Variants in EXOC6B observed in about 807,000 individuals in gnomAD.
EXOC6B encodes SEC15 homolog B.
EXOC6B carries 54 observed loss-of-function variants against 113.5 expected under a neutral mutation model. That is an observed-to-expected ratio of 0.48 (90% CI 0.38 to 0.60). The LOEUF (loss-of-function observed/expected upper bound fraction) is 0.60. Among genes scored for constraint, EXOC6B ranks in the 20% least tolerant of loss-of-function variants. The pLI is 0.00. For missense variants in EXOC6B, 797 were observed against 977.5 expected (o/e 0.82, Z 2.46); for synonymous variants, 357 against 339.0 (o/e 1.05, Z -0.58).
At chr2:72,460,218 AAG>A (rs1485807103) in intron 18 of EXOC6B, among the ~76,000 whole-genome samples, 1 of 152,160 alleles carries the variant, frequency 6.6e-6, no homozygotes, top group African/African-American at 2.4e-5. Flanking sequence ...AGATGGATTA[AAG>A]ACTTAAACGT....
At position 72,496,336 on chromosome 2, in the gene EXOC6B, T is replaced by G. The variant is rs760023224; in HGVS notation, c.1443+118A>C. The stretch of plus-strand genomic sequence containing the variant: ...AAAAGAAAAAAGAATCCTTTGAAAT[T>G]GTTTTAGAGTTCTAACCCATTGAGT... On this transcript the variant is annotated intron_variant, in intron 14 of 21. Transcript: ENST00000272427. 6.8e-6 allele frequency: 4 copies of G among 585,048 alleles called. No individual in the cohort carries two copies. The African/African-American group carries it at 7.6e-5, about 11-fold the overall frequency. The allele number at this position is 585,048 out of a possible 1,614,324, so 36.2% of individuals were successfully genotyped here.
chr2:72,674,037 G>A (rs1322089284), intron 6 of EXOC6B, among the ~76,000 whole-genome samples: 2 of 152,078 alleles, frequency 1.3e-5, no homozygotes, highest in African/African-American at 4.8e-5. Context: ...TTTGGGGGGG[G>A]TTTCATATTT....
Position 72,599,842 on chromosome 2 carries a change from GTACAAAACC to G in EXOC6B, c.670-24183_670-24175del, listed in dbSNP as rs370073270. 3.7e-3 allele frequency among the ~76,000 whole-genome samples: 564 copies of G among 151,524 alleles called. 9 individuals are homozygous for G. The highest frequency in any genetic ancestry group is 0.013 in the African/African-American group (551 of 41,320). On this transcript the variant is annotated intron_variant, in intron 6 of 21. Transcript: ENST00000272427. ...AATTACGTATAAATCTAAAAAATTTGTACAAAACCTATACGAGGAAAACTACAAAACTGT... is the reference window on the plus strand; with the variant it reads ...AATTACGTATAAATCTAAAAAATTTGTATACGAGGAAAACTACAAAACTGT...
chr2:72,289,090 G>A, intron 20 of EXOC6B: 1 of 288,336 alleles, frequency 3.5e-6, no homozygotes, highest in Non-Finnish European at 6.6e-6. Context: ...CACACAGGAG[G>A]GGAAATCCTG....
At chr2:72,445,241 C>T (rs1182788751) in intron 18 of EXOC6B, among the ~76,000 whole-genome samples, 9 of 152,220 alleles carry the variant, frequency 5.9e-5, no homozygotes, top group Non-Finnish European at 1.2e-4. Flanking sequence ...AGTTCCTCAT[C>T]TCCATTTGAG....
At chr2:72,657,567 CTTT>C (rs70963136) in intron 6 of EXOC6B, among the ~76,000 whole-genome samples, 2 of 50,356 alleles carry the variant, frequency 4.0e-5, no homozygotes, top group Non-Finnish European at 6.4e-5. Flanking sequence ...CTTTCCTTTT[CTTT>C]TTTTTTTTTT....
At chr2:72,636,369 G>GAAGGAAGGAAGGAAGGAAGGAAGGAAGC (rs771182488) in intron 6 of EXOC6B, among the ~76,000 whole-genome samples, 10 of 96,548 alleles carry the variant, frequency 1.0e-4, no homozygotes, top group African/African-American at 6.1e-4. Flanking sequence ...AGGAAGGAAG[G>GAAGGAAGGAAGGAAGGAAGGAAGGAAGC]AAGCAAGGAA....
intron 20 of EXOC6B, among the ~76,000 whole-genome samples, chr2:72,287,545 A>G (rs1200463254): frequency 3.3e-5 from 5 of 151,854 alleles, no homozygotes; most frequent in Non-Finnish European, 7.4e-5. Flanking sequence ...AAAATGATAA[A>G]CCTCCGTCAA....
chr2:72,404,408 C>T (rs1693577270), intron 18 of EXOC6B, among the ~76,000 whole-genome samples: 1 of 152,210 alleles, frequency 6.6e-6, no homozygotes, highest in African/African-American at 2.4e-5. Context: ...GACAGACTGC[C>T]TCTTCAGGTG....
intron 18 of EXOC6B, among the ~76,000 whole-genome samples, chr2:72,418,234 T>C (rs774781275): frequency 3.3e-5 from 5 of 152,198 alleles, no homozygotes; most frequent in African/African-American, 4.8e-5. Flanking sequence ...TGTATTAATT[T>C]AGTCATTCAT....
chr2:72,671,304 A>G (rs1675776596), intron 6 of EXOC6B, among the ~76,000 whole-genome samples: 1 of 152,228 alleles, frequency 6.6e-6, no homozygotes, highest in Non-Finnish European at 1.5e-5. Flanking sequence ...AGGAGCTCAA[A>G]CAACTCAATA....
intron 7 of EXOC6B, among the ~76,000 whole-genome samples, chr2:72,569,215 G>A (rs1704376503): frequency 6.6e-6 from 1 of 152,082 alleles, no homozygotes; most frequent in Non-Finnish European, 1.5e-5. Context: ...GCCTACAGGT[G>A]TCAATGGGTA....
At chr2:72,476,767 C>T (rs1016478533) in intron 17 of EXOC6B, among the ~76,000 whole-genome samples, 1 of 152,146 alleles carries the variant, frequency 6.6e-6, no homozygotes. Context: ...AAATTATCTA[C>T]TAATATAAAA....
At position 72,395,629 on chromosome 2, in the gene EXOC6B, T is replaced by C. The variant is rs901243179; in HGVS notation, c.1981-15759A>G. On this transcript the variant is annotated intron_variant, in intron 18 of 21. Coordinates refer to ENST00000272427, the MANE Select transcript of EXOC6B (RefSeq NM_015189.3). ...AACACATCCATATTATGGGAAATGG[T>C]AGTAAAAACAAGATAGGACTAAAAA... 2.0e-5 allele frequency among the ~76,000 whole-genome samples: 3 copies of C among 152,084 alleles called. No homozygotes were observed. The East Asian group carries it at 5.8e-4, about 29-fold the overall frequency.
At chr2:72,181,968 G>T (rs1441344333) in intron 21 of EXOC6B, among the ~76,000 whole-genome samples, 1 of 152,210 alleles carries the variant, frequency 6.6e-6, no homozygotes, top group African/African-American at 2.4e-5. Context: ...AATGTCTTTA[G>T]CAGGTCTTTT....
In EXOC6B at chr2:72,752,665, AT is replaced by A. The variant is rs995544564; in HGVS notation, c.114-11197del. On this transcript the variant is annotated intron_variant, in intron 1 of 21. Transcript: ENST00000272427. ...ATACTTACTGCCTCCATTTCCTCAA[AT>A]TAGACTCGCTCTTCAAACCAGTGTA... Among the ~76,000 whole-genome samples, 30 of 151,800 alleles carry A rather than the reference AT, an allele frequency of 2.0e-4. 1 individual carries two copies. The East Asian group carries it at 5.2e-3, about 26-fold the overall frequency.
At chr2:72,615,701 A>G (rs1004996540) in intron 6 of EXOC6B, among the ~76,000 whole-genome samples, 1 of 152,122 alleles carries the variant, frequency 6.6e-6, no homozygotes, top group Non-Finnish European at 1.5e-5. Flanking sequence ...TTACTGGTTA[A>G]TGGATGTACT....
intron 5 of EXOC6B, among the ~76,000 whole-genome samples, chr2:72,728,066 A>C (rs1443825271): frequency 6.6e-6 from 1 of 152,176 alleles, no homozygotes; most frequent in Admixed American, 6.5e-5. Flanking sequence ...AAAACCAAAA[A>C]GTTTGACAAT....
chr2:72,535,737 A>G (rs1447946889), intron 8 of EXOC6B, among the ~76,000 whole-genome samples: 2 of 151,808 alleles, frequency 1.3e-5, no homozygotes, highest in Admixed American at 1.3e-4. Flanking sequence ...GGGTATGGTG[A>G]CGCATGTCTG....
Sources: allele counts gnomAD v4.1 joint callset (sites outside exome capture counted in the v4.1 genomes callset), GRCh38; gene constraint gnomAD v4.1.1; transcripts MANE v1.5; gene names NCBI Gene and HGNC (gene_info 2026-07-23, HGNC 2026-07-21).